Variants in SPINK14 observed in about 807,000 individuals in gnomAD.
SPINK14 encodes serine protease inhibitor Kazal-type 14.
A neutral mutation model predicts 14.2 loss-of-function variants in SPINK14; 6 were observed. That is an observed-to-expected ratio of 0.42 (90% CI 0.23 to 0.83). The LOEUF is 0.83. Ranked by LOEUF, SPINK14 falls within the 40% of genes least tolerant of loss-of-function variation. The pLI is 0.28. For synonymous variants in SPINK14, 34 were observed against 36.8 expected (o/e 0.92, Z 0.27); for missense variants, 86 against 108.3 (o/e 0.79, Z 0.91).
At chr5:148,171,708 G>A (rs1755107556) in intron 3 of SPINK14, among the ~76,000 whole-genome samples, 1 of 152,022 alleles carries the variant, frequency 6.6e-6, no homozygotes, top group Non-Finnish European at 1.5e-5. Context: ...AAAAAAGTCT[G>A]TCATGAGTTG....
chr5:148,173,099 G>T (rs1488529463), intron 3 of SPINK14, among the ~76,000 whole-genome samples: 3 of 149,772 alleles, frequency 2.0e-5, no homozygotes, highest in Admixed American at 1.3e-4. Context: ...GGGTAACGAT[G>T]GTGGCCTGGC....
At chr5:148,169,887 T>C in intron 2 of SPINK14, 88 bp downstream of exon 2, 2 of 1,039,158 alleles carry the variant, frequency 1.9e-6, no homozygotes, top group Non-Finnish European at 2.8e-6. Context: ...TTTGAAATTG[T>C]TCTTTAACTG....
intron 4 of SPINK14, 72 bp from the exon 5 acceptor site, chr5:148,175,281 A>G: frequency 3.0e-6 from 3 of 991,858 alleles, no homozygotes; most frequent in Non-Finnish European, 4.6e-6. Context: ...TTAGATAGAT[A>G]ATTTTAAAAG....
chr5:148,174,861 G>A (rs941597661), intron 4 of SPINK14, among the ~76,000 whole-genome samples: 1 of 152,004 alleles, frequency 6.6e-6, no homozygotes, highest in East Asian at 1.9e-4. Flanking sequence ...ATCTTATAAC[G>A]CAATGCTTTC....
At chr5:148,174,899 A>G (rs1449346709) in intron 4 of SPINK14, among the ~76,000 whole-genome samples, 1 of 152,078 alleles carries the variant, frequency 6.6e-6, no homozygotes, top group African/African-American at 2.4e-5. Context: ...GAGTGAGTGC[A>G]TTTCACAGAG....
rs577320302 is a variant in SPINK14 at position 148,169,276 on chromosome 5, A to C, written c.-72-385A>C. On this transcript the variant is annotated intron_variant, in intron 1 of 4. Transcript: ENST00000356972. ...TTCTTTGCTTGACGAGCAAGTACAGATCCACTCCACTTATTGAGAAGTTCA... is the reference window on the plus strand; with the variant it reads ...TTCTTTGCTTGACGAGCAAGTACAGCTCCACTCCACTTATTGAGAAGTTCA... 2.0e-5 allele frequency among the ~76,000 whole-genome samples: 3 copies of C among 152,272 alleles called. No individual in the cohort carries two copies. In the South Asian group the frequency reaches 6.2e-4, roughly 32 times the overall value.
At chr5:148,171,089 C>A in intron 3 of SPINK14, 116 bp downstream of exon 3, 1 of 922,690 alleles carries the variant, frequency 1.1e-6, no homozygotes, top group Non-Finnish European at 1.7e-6. Flanking sequence ...GTCTTCAAGG[C>A]CTATTTGTAC....
Position 148,174,274 on chromosome 5 carries a change from A to G in SPINK14, c.152A>G (p.Asn51Ser), listed in dbSNP as rs775687910. The part of the protein sequence containing the change: ...PYEKVNLSWY[N>S]GTVNPCPGLY... The stretch of plus-strand genomic sequence containing the variant: ...GAGAAAGTAAACTTGAGCTGGTACA[A>G]TGGAACGGTCAACCCCTGCCCTGGC... The change falls in exon 4 of 5, where the codon AAT becomes AGT. Residue 51 changes from asparagine (N) to serine (S), a missense_variant. Physicochemically the swap from Asn to Ser is conservative, Grantham distance 46 (BLOSUM62 1). Coordinates refer to ENST00000356972, the MANE Select transcript of SPINK14 (RefSeq NM_001001325.2). 7.2e-6 allele frequency: 8 copies of G among 1,114,266 alleles called. 1 individual carries two copies. In the East Asian group the frequency reaches 2.2e-4, roughly 31 times the overall value. 69.0% of individuals were successfully genotyped at this position (1,114,266 alleles called of 1,614,324 possible).
At chr5:148,168,787 A>T (rs559900853) in intron 1 of SPINK14, among the ~76,000 whole-genome samples, 3 of 152,148 alleles carry the variant, frequency 2.0e-5, no homozygotes, top group Non-Finnish European at 4.4e-5. Context: ...AAGAACTTGC[A>T]ATCATCCTGA....
intron 1 of SPINK14, among the ~76,000 whole-genome samples, chr5:148,169,253 C>T (rs1337396427): frequency 6.6e-6 from 1 of 152,092 alleles, no homozygotes; most frequent in African/African-American, 2.4e-5. Flanking sequence ...AAGAGGTATT[C>T]TTTGCTTGAC....
chr5:148,168,680 G>A (rs577303900), intron 1 of SPINK14, among the ~76,000 whole-genome samples, 113 bp downstream of exon 1: 1 of 152,204 alleles, frequency 6.6e-6, no homozygotes, highest in South Asian at 2.1e-4. Context: ...AGGAAGCCAG[G>A]GAAAATATCA....
rs867749936 is a variant in SPINK14 at position 148,175,516 on chromosome 5, A to G, written c.*118A>G. ...TTCTTCATGACAAAGAGCTATCACT[A>G]CTGAGCTTGTAGCAGATTGTTCAAA... On this transcript the variant is annotated 3_prime_UTR_variant, in exon 5 of 5. Coordinates refer to ENST00000356972, the MANE Select transcript of SPINK14 (RefSeq NM_001001325.2). 88 of 758,652 alleles carry G rather than the reference A, an allele frequency of 1.2e-4. No homozygotes were observed. In the Middle Eastern group the frequency reaches 1.7e-3, roughly 15 times the overall value. 47.0% of individuals were successfully genotyped at this position (758,652 alleles called of 1,614,324 possible).
In SPINK14 at chr5:148,169,673, AG is replaced by A; in HGVS notation, c.-57del. The A allele has an allele frequency of 7.1e-7, 1 of 1,400,108 alleles. No individual in the cohort carries two copies. The highest frequency in any genetic ancestry group is 1.2e-5 in the South Asian group (1 of 83,828). The allele number at this position is 1,400,108 out of a possible 1,614,324, so 86.7% of individuals were successfully genotyped here. A position where few individuals can be genotyped will look rare whatever the true frequency, so the allele number is the denominator to read the frequency against. On this transcript the variant is annotated 5_prime_UTR_variant, in exon 2 of 5. Coordinates refer to ENST00000356972, the MANE Select transcript of SPINK14 (RefSeq NM_001001325.2). ...GTCTCTACTTTAGTGATTGTATTAGAGGGCAACAACCTGAGACAATATTTCA... is the reference window on the plus strand; with the variant it reads ...GTCTCTACTTTAGTGATTGTATTAGAGGCAACAACCTGAGACAATATTTCA...
At chr5:148,174,190 TA>T in intron 3 of SPINK14, 43 bp from the exon 4 acceptor site, 1 of 1,064,238 alleles carries the variant, frequency 9.4e-7, no homozygotes, top group Non-Finnish European at 1.3e-6. Flanking sequence ...CCTACCTGTC[TA>T]AGTGGGATTC....
chr5:148,170,748 A>G (rs558920289), intron 2 of SPINK14, among the ~76,000 whole-genome samples, 182 bp from the exon 3 acceptor site: 1 of 152,288 alleles, frequency 6.6e-6, no homozygotes, highest in South Asian at 2.1e-4. Context: ...GCTGATATCA[A>G]TTAGGAGTAA....
chr5:148,172,991 G>C (rs775708763), intron 3 of SPINK14, among the ~76,000 whole-genome samples: 53 of 152,046 alleles, frequency 3.5e-4, no homozygotes, highest in Admixed American at 7.2e-4. Flanking sequence ...AATGAGGTTC[G>C]ACGAAAGGAC....
chr5:148,171,125 C>G, intron 3 of SPINK14, 152 bp downstream of exon 3: 1 of 702,508 alleles, frequency 1.4e-6, no homozygotes, highest in Non-Finnish European at 2.4e-6. Context: ...ACTGCTGAAA[C>G]AGTACCCCAG....
At chr5:148,172,544 T>A (rs1177461399) in intron 3 of SPINK14, among the ~76,000 whole-genome samples, 1 of 152,218 alleles carries the variant, frequency 6.6e-6, no homozygotes, top group Non-Finnish European at 1.5e-5. Context: ...TGCCAATATA[T>A]GTGCTGGGCA....
chr5:148,174,511 A>C lies in SPINK14; in HGVS notation c.248+141A>C, dbSNP rs1755143518. The C allele has an allele frequency of 4.2e-6, 2 of 474,984 alleles. 1 individual carries two copies. The highest frequency in any genetic ancestry group is 6.2e-5 in the African/African-American group (2 of 32,090). 29.4% of individuals were successfully genotyped at this position (474,984 alleles called of 1,614,324 possible). A position where few individuals can be genotyped will look rare whatever the true frequency, so the allele number is the denominator to read the frequency against. ...CACAGATAATAATCAGCACCCACTCAGAAAAGCACATAGTAATTGAAAGTC... is the reference window on the plus strand; with the variant it reads ...CACAGATAATAATCAGCACCCACTCCGAAAAGCACATAGTAATTGAAAGTC... On this transcript the variant is annotated intron_variant, in intron 4 of 4. Coordinates refer to ENST00000356972, the MANE Select transcript of SPINK14 (RefSeq NM_001001325.2).
Sources: gnomAD v4.1 joint callset for allele counts (sites outside exome capture counted in the v4.1 genomes callset) on GRCh38, gnomAD v4.1.1 for gene constraint, MANE v1.5 for transcripts, NCBI Gene and HGNC (gene_info 2026-07-23, HGNC 2026-07-21) for gene names.